ZNF83: variants seen among roughly 807,000 people sequenced by gnomAD.
The protein encoded by ZNF83 is zinc finger protein 83, also known as zinc finger protein 816B.
For synonymous variants in ZNF83, 209 were observed against 213.0 expected (o/e 0.98, Z 0.17); for missense variants, 552 against 629.9 (o/e 0.88, Z 1.32).
At chr19:52,655,573 G>A (rs1300575877) in exon 3 of ZNF83, 1 of 1,500,958 alleles carries the variant, frequency 6.7e-7, no homozygotes, top group Admixed American at 1.7e-5. Flanking sequence ...ACAGACTCCA[G>A]GTTCCTGTAG....
At chr19:52,622,012 C>T (rs545275535) in intron 2 of ZNF83, among the ~76,000 whole-genome samples, 1 of 152,152 alleles carries the variant, frequency 6.6e-6, no homozygotes, top group East Asian at 1.9e-4. Context: ...TCTTCTGAAT[C>T]CTCCTTTTCT....
chr19:52,641,895 G>A (rs890383214), upstream of ZNF83, among the ~76,000 whole-genome samples: 3 of 152,138 alleles, frequency 2.0e-5, no homozygotes, highest in South Asian at 6.2e-4. Context: ...CATATAAGAT[G>A]TACATTAATT....
chr19:52,687,877 T>C (rs983838087), intron 1 of ZNF83, among the ~76,000 whole-genome samples: 2 of 151,160 alleles, frequency 1.3e-5, no homozygotes, highest in African/African-American at 4.9e-5. Context: ...AAAGTGATTT[T>C]TGTTGCACTT....
At chr19:52,639,395 T>C (rs2061255011), upstream of ZNF83, among the ~76,000 whole-genome samples, 1 of 146,226 alleles carries the variant, frequency 6.8e-6, no homozygotes, top group Non-Finnish European at 1.5e-5. Flanking sequence ...TTATTTTCTT[T>C]TATATATTTA....
chr19:52,612,925 C>T, exon 3 of ZNF83: 1 of 1,139,080 alleles, frequency 8.8e-7, no homozygotes, highest in Non-Finnish European at 1.2e-6. Context: ...AAAGGCTCTG[C>T]TACATTCATT....
At chr19:52,638,392 G>C (rs928855417), upstream of ZNF83, 1 of 151,938 alleles carries the variant, frequency 6.6e-6, no homozygotes, top group Non-Finnish European at 1.5e-5. Flanking sequence ...AGCCAGGTCT[G>C]GGCGGGGCCC....
chr19:52,671,543 A>T (rs947323768), intron 1 of ZNF83, among the ~76,000 whole-genome samples: 18 of 152,026 alleles, frequency 1.2e-4, no homozygotes, highest in Non-Finnish European at 2.2e-4. Context: ...TCTGGTGCTC[A>T]AGCAATCCTC....
intron 1 of ZNF83, among the ~76,000 whole-genome samples, chr19:52,682,611 T>C (rs1272818822): frequency 6.6e-6 from 1 of 152,032 alleles, no homozygotes; most frequent in Non-Finnish European, 1.5e-5. Context: ...GAGGTTGCAC[T>C]GAGCTGAGAT....
At chr19:52,689,244 A>C (rs982011744) in intron 1 of ZNF83, among the ~76,000 whole-genome samples, 1 of 152,196 alleles carries the variant, frequency 6.6e-6, no homozygotes, top group Non-Finnish European at 1.5e-5. Flanking sequence ...CCACTGAGCC[A>C]GTGCGTACCT....
At chr19:52,686,053 T>A (rs1008146984) in intron 1 of ZNF83, among the ~76,000 whole-genome samples, 51 of 152,010 alleles carry the variant, frequency 3.4e-4, no homozygotes, top group African/African-American at 1.2e-3. Context: ...TTTTAACAAA[T>A]GACATAAGGA....
intron 2 of ZNF83, among the ~76,000 whole-genome samples, chr19:52,631,935 GCC>G (rs34848367): frequency 6.9e-6 from 1 of 145,488 alleles, no homozygotes; most frequent in African/African-American, 2.5e-5. Flanking sequence ...GATTATTCAG[GCC>G]CCCCTCCCTT....
intron 3 of ZNF83, among the ~76,000 whole-genome samples, chr19:52,644,329 T>C (rs2061346638): frequency 6.6e-6 from 1 of 152,248 alleles, no homozygotes; most frequent in South Asian, 2.1e-4. Flanking sequence ...AGGTTGAGCT[T>C]TTCCGGTCTA....
Position 52,614,237 on chromosome 19 carries a change from T to C in ZNF83, c.328A>G (p.Ile110Val), listed in dbSNP as rs774411419. 34 of 1,614,170 alleles carry C rather than the reference T, an allele frequency of 2.1e-5. No homozygotes were observed. The highest frequency in any genetic ancestry group is 2.7e-5 in the Non-Finnish European group (32 of 1,180,024). Residue 110 changes from isoleucine to valine, a missense_variant, in exon 3 of 3, where the codon ATA becomes GTA. Ile to Val is a conservative substitution (Grantham distance 29). Transcript: ENST00000301096. Reference sequence around the variant, plus strand: ...TCTTTAGTATGGATTATTTGATGTATAGTAAAATGTAAGCCTTGATGAAAG... The same window carrying C: ...TCTTTAGTATGGATTATTTGATGTACAGTAAAATGTAAGCCTTGATGAAAG...
chr19:52,673,727 A>T (rs1010198281), intron 1 of ZNF83, among the ~76,000 whole-genome samples: 3 of 151,882 alleles, frequency 2.0e-5, no homozygotes, highest in Non-Finnish European at 2.9e-5. Context: ...CCAACTCAAA[A>T]AAATAAATAA....
exon 3 of ZNF83, chr19:52,613,627 C>A: frequency 6.2e-7 from 1 of 1,613,542 alleles, no homozygotes; most frequent in Admixed American, 1.7e-5. Context: ...AGGTTTCTCT[C>A]CAGTATGAAT....
At chr19:52,681,810 G>A (rs2061926359) in intron 1 of ZNF83, among the ~76,000 whole-genome samples, 1 of 152,124 alleles carries the variant, frequency 6.6e-6, no homozygotes, top group Non-Finnish European at 1.5e-5. Flanking sequence ...GTCATTGAAT[G>A]GACACACAGG....
At chr19:52,613,735 G>C (rs201157018) in exon 3 of ZNF83, 1 of 1,351,282 alleles carries the variant, frequency 7.4e-7, no homozygotes, top group Non-Finnish European at 9.6e-7. Flanking sequence ...CTGATGTTGT[G>C]CAAGGTGTGA....
At chr19:52,680,787 T>A (rs556496818) in intron 1 of ZNF83, among the ~76,000 whole-genome samples, 1 of 147,574 alleles carries the variant, frequency 6.8e-6, no homozygotes, top group African/African-American at 2.6e-5. Flanking sequence ...TAATTTTTTG[T>A]ATTTTTAGTA....
At chr19:52,663,149 T>A (rs909509925) in intron 1 of ZNF83, among the ~76,000 whole-genome samples, 1 of 151,484 alleles carries the variant, frequency 6.6e-6, no homozygotes, top group African/African-American at 2.4e-5. Flanking sequence ...GCTGACAGAG[T>A]GACACTCCAT....
Sources: allele counts gnomAD v4.1 joint callset (sites outside exome capture counted in the v4.1 genomes callset), GRCh38; gene constraint gnomAD v4.1.1; transcripts MANE v1.5; gene names NCBI Gene and HGNC (gene_info 2026-07-23, HGNC 2026-07-21).